NLGN1: variants seen among roughly 807,000 people sequenced by gnomAD.
NLGN1 encodes the protein neuroligin 1.
Under a neutral mutation model 65.5 loss-of-function variants are expected in NLGN1, and 12 were observed. The observed-to-expected ratio is 0.18, with a 90% CI of 0.12 to 0.30. NLGN1 has a LOEUF of 0.30. Among genes scored for constraint, NLGN1 ranks in the 10% least tolerant of loss-of-function variants. The pLI is 1.00. For missense variants in NLGN1, 750 were observed against 1,007.1 expected, an observed-to-expected ratio of 0.74 and a Z score of 3.46; for synonymous variants, 350 against 359.5, an observed-to-expected ratio of 0.97 and a Z score of 0.30.
At chr3:174,266,433 G>A (rs751208638) in intron 4 of NLGN1, among the ~76,000 whole-genome samples, 5 of 151,998 alleles carry the variant, frequency 3.3e-5, no homozygotes, top group African/African-American at 9.7e-5. Flanking sequence ...GCATATGTAC[G>A]ACATTTTCTT....
intron 4 of NLGN1, among the ~76,000 whole-genome samples, chr3:174,003,154 T>C (rs547160407): frequency 6.6e-6 from 1 of 152,104 alleles, no homozygotes; most frequent in South Asian, 2.1e-4. Context: ...GAAGGAATAA[T>C]AGTGTTTAAA....
At chr3:174,124,585 G>A (rs1441680895) in intron 4 of NLGN1, among the ~76,000 whole-genome samples, 2 of 78,414 alleles carry the variant, frequency 2.6e-5, no homozygotes, top group South Asian at 3.2e-4. Flanking sequence ...ACATATATAC[G>A]TATATATACG....
chr3:173,605,397 T>C (rs1053893474), intron 3 of NLGN1, 137 bp from the exon 3 acceptor site: 8 of 441,728 alleles, frequency 1.8e-5, no homozygotes, highest in Non-Finnish European at 3.2e-5. Context: ...CCTCATTGCA[T>C]GTGCAGGCTC....
intron 4 of NLGN1, among the ~76,000 whole-genome samples, chr3:174,264,595 TC>T (rs1053525728): frequency 5.4e-5 from 8 of 149,180 alleles, no homozygotes; most frequent in African/African-American, 2.0e-4. Flanking sequence ...TAAATTTTTT[TC>T]AAAGTTTTCA....
chr3:173,677,150 A>G (rs1445303653), intron 3 of NLGN1, among the ~76,000 whole-genome samples: 1 of 152,028 alleles, frequency 6.6e-6, no homozygotes, highest in Non-Finnish European at 1.5e-5. Flanking sequence ...AGCTATACAG[A>G]TACCTTGGCA....
chr3:173,846,132 C>T (rs1436967004), intron 4 of NLGN1, among the ~76,000 whole-genome samples: 1 of 151,898 alleles, frequency 6.6e-6, no homozygotes. Context: ...TCTTGTGTCC[C>T]CAGTACAAGT....
At chr3:173,684,005 T>C (rs999032556) in intron 3 of NLGN1, among the ~76,000 whole-genome samples, 9 of 152,128 alleles carry the variant, frequency 5.9e-5, no homozygotes, top group African/African-American at 2.2e-4. Flanking sequence ...ATGATTATGA[T>C]TTACATAGTA....
intron 2 of NLGN1, among the ~76,000 whole-genome samples, chr3:173,496,186 T>C (rs1560338152): frequency 6.6e-6 from 1 of 151,742 alleles, no homozygotes; most frequent in African/African-American, 2.4e-5. Context: ...CATGTCTTCA[T>C]ACACTTTATA....
At chr3:173,693,079 C>T (rs1765705693) in intron 3 of NLGN1, among the ~76,000 whole-genome samples, 2 of 151,696 alleles carry the variant, frequency 1.3e-5, no homozygotes, top group African/African-American at 2.4e-5. Flanking sequence ...AAGGTAAAAA[C>T]TAGAGTTATA....
intron 4 of NLGN1, among the ~76,000 whole-genome samples, chr3:174,206,240 G>A (rs1028361990): frequency 6.6e-6 from 1 of 152,110 alleles, no homozygotes; most frequent in African/African-American, 2.4e-5. Flanking sequence ...CAAAATCCCT[G>A]AGGAGGCATT....
exon 3 of NLGN1, chr3:173,605,089 A>G (rs1751165224): frequency 1.9e-6 from 3 of 1,601,562 alleles, no homozygotes; most frequent in East Asian, 2.2e-5. Context: ...CCGACTGAGG[A>G]TGGTGAGTTT....
At chr3:173,460,268 TATTAA>T (rs992371949) in intron 2 of NLGN1, among the ~76,000 whole-genome samples, 8 of 152,092 alleles carry the variant, frequency 5.3e-5, no homozygotes, top group Non-Finnish European at 1.0e-4. Flanking sequence ...CAATAAATAA[TATTAA>T]ATTAAAGGAG....
chr3:173,789,287 T>A (rs1030526887), intron 3 of NLGN1, among the ~76,000 whole-genome samples: 3 of 152,100 alleles, frequency 2.0e-5, no homozygotes, highest in African/African-American at 7.2e-5. Flanking sequence ...GCGTGAAGTG[T>A]GCATGCACTT....
intron 4 of NLGN1, among the ~76,000 whole-genome samples, chr3:174,231,710 A>C (rs1029900561): frequency 1.3e-5 from 2 of 152,030 alleles, no homozygotes; most frequent in Non-Finnish European, 2.9e-5. Context: ...CAGGGCTCTC[A>C]TTCCTGTTCC....
chr3:173,972,012 A>G (rs1579496969), intron 4 of NLGN1, among the ~76,000 whole-genome samples: 2 of 152,070 alleles, frequency 1.3e-5, no homozygotes, highest in Non-Finnish European at 2.9e-5. Context: ...AGGTCAATGG[A>G]AAGTACCCAG....
intron 2 of NLGN1, among the ~76,000 whole-genome samples, chr3:173,562,111 C>T (rs1314355953): frequency 6.6e-6 from 1 of 152,004 alleles, no homozygotes; most frequent in Admixed American, 6.5e-5. Context: ...TAAAGGAGAG[C>T]CATTGAAAGG....
chr3:173,613,313 G>C (rs1024165727), intron 3 of NLGN1, among the ~76,000 whole-genome samples: 51 of 152,178 alleles, frequency 3.4e-4, no homozygotes, highest in African/African-American at 1.2e-3. Context: ...GGAGTACTGA[G>C]ACTCCTATTC....
At chr3:174,276,827 G>GTGTT (rs1750680404) in intron 5 of NLGN1, among the ~76,000 whole-genome samples, 1 of 151,752 alleles carries the variant, frequency 6.6e-6, no homozygotes. Flanking sequence ...AATAAACTTA[G>GTGTT]TGTTTCTTTA....
intron 2 of NLGN1, among the ~76,000 whole-genome samples, chr3:173,439,631 A>AT (rs1314246706): frequency 3.3e-5 from 5 of 151,802 alleles, no homozygotes; most frequent in East Asian, 3.9e-4. Flanking sequence ...GAATCACACA[A>AT]TTTTTTTTGT....
Sources: gnomAD v4.1 joint callset for allele counts (sites outside exome capture counted in the v4.1 genomes callset) on GRCh38, gnomAD v4.1.1 for gene constraint, MANE v1.5 for transcripts, NCBI Gene and HGNC (gene_info 2026-07-23, HGNC 2026-07-21) for gene names.